Variants in TENM2 observed in about 807,000 individuals in gnomAD.
TENM2 encodes the protein teneurin transmembrane protein 2, also known as teneurin-2.
In TENM2, 52 loss-of-function variants were observed where a neutral mutation model predicts 245.2. That is an observed-to-expected ratio of 0.21 (90% confidence interval 0.17 to 0.27). The LOEUF (loss-of-function observed/expected upper bound fraction) is 0.27. TENM2 is among the 10% of genes least tolerant of loss of function. The pLI is 1.00. For synonymous variants in TENM2, 1,363 were observed against 1,438.9 expected, an observed-to-expected ratio of 0.95 and a Z score of 1.19; for missense variants, 3,046 against 3,666.8, an observed-to-expected ratio of 0.83 and a Z score of 4.37.
intron 13 of TENM2, among the ~76,000 whole-genome samples, chr5:168,183,119 C>T (rs765755844): frequency 2.6e-5 from 4 of 152,242 alleles, no homozygotes; most frequent in East Asian, 1.9e-4. Flanking sequence ...CGTGAGCCAC[C>T]GCCCCCGGCC....
chr5:167,995,473 A>G (rs1291081623), intron 5 of TENM2, among the ~76,000 whole-genome samples: 1 of 152,150 alleles, frequency 6.6e-6, no homozygotes, highest in Non-Finnish European at 1.5e-5. Context: ...ATGACACAAA[A>G]TGAGTGATAT....
chr5:167,208,194 A>G, the TENM2 span, among the ~76,000 whole-genome samples: 33 of 151,478 alleles, frequency 2.2e-4, 1 homozygote, highest in East Asian at 1.7e-3. Context: ...AGAGAGAGAG[A>G]TGATTTGGTG....
chr5:167,032,266 G>A, the TENM2 span, among the ~76,000 whole-genome samples: 3 of 152,168 alleles, frequency 2.0e-5, no homozygotes, highest in Non-Finnish European at 4.4e-5. Context: ...ACAACAGAGA[G>A]CAGTGGTACA....
Position 167,615,692 on chromosome 5 carries a change from A to G in TENM2, c.502+240219A>G, listed in dbSNP as rs536169524. ...AATAAACAGTCAGAATATCTTAGTT[A>G]TAATTAAGAGAGACAACCAACAGCC... On this transcript the variant is annotated intron_variant, in intron 2 of 28. Transcript: ENST00000518659. Among the ~76,000 whole-genome samples, 6 of 152,184 alleles carry G rather than the reference A, an allele frequency of 3.9e-5. No individual in the cohort carries two copies. In the East Asian group the frequency reaches 1.2e-3, roughly 29 times the overall value.
the TENM2 span, among the ~76,000 whole-genome samples, chr5:167,180,182 TCAC>T: frequency 6.8e-6 from 1 of 147,236 alleles, no homozygotes; most frequent in South Asian, 2.2e-4. Context: ...ATATCTAGGC[TCAC>T]CACAACGTCC....
chr5:167,973,073 C>A (rs1781915162), intron 4 of TENM2, among the ~76,000 whole-genome samples: 1 of 152,184 alleles, frequency 6.6e-6, no homozygotes, highest in Non-Finnish European at 1.5e-5. Context: ...CCTCTATCTA[C>A]CTAATGGGGA....
chr5:167,012,940 T>C, the TENM2 span, among the ~76,000 whole-genome samples: 5 of 152,026 alleles, frequency 3.3e-5, no homozygotes, highest in Non-Finnish European at 5.9e-5. Flanking sequence ...GGTTGGCCTG[T>C]TAGTGGAGCA....
intron 23 of TENM2, among the ~76,000 whole-genome samples, chr5:168,223,075 A>C (rs554784634): frequency 5.2e-4 from 79 of 152,348 alleles, no homozygotes; most frequent in African/African-American, 1.7e-3. Flanking sequence ...CCTACATCTG[A>C]AGACGTTCCT....
At chr5:167,794,802 G>A (rs1254222357) in intron 2 of TENM2, among the ~76,000 whole-genome samples, 1 of 152,200 alleles carries the variant, frequency 6.6e-6, no homozygotes, top group African/African-American at 2.4e-5. Context: ...CGTTACTAAT[G>A]CAATATGGTT....
intron 2 of TENM2, among the ~76,000 whole-genome samples, chr5:167,699,569 C>T (rs1215876406): frequency 2.0e-5 from 3 of 152,122 alleles, no homozygotes. Flanking sequence ...CTGAGCATGT[C>T]TCTGCTGTAG....
chr5:167,078,814 C>T, the TENM2 span, among the ~76,000 whole-genome samples: 32 of 152,226 alleles, frequency 2.1e-4, 1 homozygote, highest in South Asian at 6.4e-3. Context: ...CTTAACATTG[C>T]AGTCATGGTC....
intron 2 of TENM2, among the ~76,000 whole-genome samples, chr5:167,789,865 A>C (rs1764828565): frequency 6.6e-6 from 1 of 152,230 alleles, no homozygotes. Context: ...TATTATTTAA[A>C]AATAGTACTC....
chr5:167,552,887 A>G (rs1264545079), intron 2 of TENM2, among the ~76,000 whole-genome samples: 4 of 151,878 alleles, frequency 2.6e-5, no homozygotes, highest in African/African-American at 7.3e-5. Flanking sequence ...GCCAGACACT[A>G]TGATAGGTGC....
the TENM2 span, among the ~76,000 whole-genome samples, chr5:167,269,671 C>G: frequency 2.6e-5 from 4 of 152,178 alleles, no homozygotes; most frequent in South Asian, 4.2e-4. Context: ...ACATTGCATT[C>G]CACTCTGAAA....
At chr5:167,038,655 C>T in the TENM2 span, among the ~76,000 whole-genome samples, 3 of 152,194 alleles carry the variant, frequency 2.0e-5, no homozygotes, top group Non-Finnish European at 4.4e-5. Context: ...GCCATCCCCA[C>T]AAGAACGGTC....
At chr5:168,083,215 A>G (rs1483021405) in intron 7 of TENM2, among the ~76,000 whole-genome samples, 4 of 151,942 alleles carry the variant, frequency 2.6e-5, no homozygotes, top group Admixed American at 2.6e-4. Context: ...TGTGCCAGCA[A>G]TAACCGAGGA....
chr5:167,674,642 C>T (rs915544412), intron 2 of TENM2, among the ~76,000 whole-genome samples: 2 of 152,180 alleles, frequency 1.3e-5, no homozygotes, highest in East Asian at 1.9e-4. Flanking sequence ...AATTTCCTCA[C>T]CTGTCAAGTG....
At chr5:167,627,923 A>G (rs17068862) in intron 2 of TENM2, among the ~76,000 whole-genome samples, 6,755 of 152,308 alleles carry the variant, frequency 0.044, 265 homozygotes, top group African/African-American at 0.11. Flanking sequence ...TATTTTGAAT[A>G]AACTGCTAAA....
rs1383158023 is a variant in TENM2 at position 168,218,552 on chromosome 5, A to G, written c.4661A>G (p.Asp1554Gly). ...CCATCATCCTTAGCTGTAGCTCCAG[A>G]TGGTACCATTTACATTGCAGACCTT... Residue 1554 changes from aspartate (D) to glycine (G), a missense_variant, in exon 23 of 29, where the codon GAT (aspartate) becomes GGT (glycine). Asp to Gly is a moderately conservative substitution (Grantham distance 94). This residue lies in a region of TENM2 where 2,704 missense variants were observed against 3,331.9 expected (regional missense o/e 0.81). Transcript: ENST00000518659. The surrounding 1 kb of genome is among the most constrained non-coding windows in gnomAD (Gnocchi z 5.2). 8 of 1,614,016 alleles carry G rather than the reference A, an allele frequency of 5.0e-6. No individual in the cohort carries two copies. The highest frequency in any genetic ancestry group is 6.8e-6 in the Non-Finnish European group (8 of 1,179,900).
Sources: allele counts gnomAD v4.1 joint callset (sites outside exome capture counted in the v4.1 genomes callset), GRCh38; gene constraint gnomAD v4.1.1; regional missense constraint gnomAD v4.1.1; non-coding constraint Gnocchi (gnomAD v3.1); transcripts MANE v1.5; gene names NCBI Gene and HGNC (gene_info 2026-07-23, HGNC 2026-07-21).